STXBP5L: variants seen among roughly 807,000 people sequenced by gnomAD.
The protein encoded by STXBP5L is syntaxin binding protein 5L, also known as syntaxin-binding protein 5-like.
In STXBP5L, 65 loss-of-function variants were observed where a neutral mutation model predicts 144.5. The ratio of observed to expected loss-of-function variants is 0.45; its 90% CI spans 0.37 to 0.55. The LOEUF is 0.55. Ranked by LOEUF, STXBP5L falls within the 20% of genes least tolerant of loss-of-function variation. The pLI is 0.00. For synonymous variants in STXBP5L, 505 were observed against 469.6 expected (o/e 1.08, Z -0.97); for missense variants, 1,298 against 1,405.5 (o/e 0.92, Z 1.22).
At chr3:121,410,457 T>A (rs374930239) in intron 23 of STXBP5L, among the ~76,000 whole-genome samples, 1 of 152,062 alleles carries the variant, frequency 6.6e-6, no homozygotes, top group African/African-American at 2.4e-5. Context: ...CTCTGCTCTA[T>A]GGTTTAAAGA....
intron 19 of STXBP5L, among the ~76,000 whole-genome samples, chr3:121,297,887 T>C (rs780093730): frequency 6.6e-6 from 1 of 152,198 alleles, no homozygotes; most frequent in African/African-American, 2.4e-5. Context: ...TATGTGAAAT[T>C]AAAAGTTCAT....
intron 20 of STXBP5L, among the ~76,000 whole-genome samples, chr3:121,347,974 G>A (rs376481265): frequency 6.6e-6 from 1 of 152,096 alleles, no homozygotes; most frequent in Admixed American, 6.6e-5. Context: ...AATTGCCCTG[G>A]CCAGAACTTC....
intron 20 of STXBP5L, among the ~76,000 whole-genome samples, chr3:121,345,655 T>A (rs577777492): frequency 1.3e-5 from 2 of 152,202 alleles, no homozygotes; most frequent in South Asian, 2.1e-4. Context: ...TTTCTCCACA[T>A]CCTCTCCAGC....
intron 20 of STXBP5L, among the ~76,000 whole-genome samples, chr3:121,355,952 C>T (rs2045495847): frequency 1.3e-5 from 2 of 152,190 alleles, no homozygotes; most frequent in Non-Finnish European, 2.9e-5. Flanking sequence ...GGTTCCTCAG[C>T]TGGTGGTCTG....
chr3:121,308,475 A>G (rs1192117549), intron 19 of STXBP5L, among the ~76,000 whole-genome samples: 2 of 152,164 alleles, frequency 1.3e-5, no homozygotes, highest in Admixed American at 1.3e-4. Flanking sequence ...ATGTTAAGGT[A>G]ACTATGTAAT....
chr3:121,209,348 A>G (rs143021791), intron 10 of STXBP5L, among the ~76,000 whole-genome samples: 105 of 152,200 alleles, frequency 6.9e-4, no homozygotes, highest in African/African-American at 2.4e-3. Context: ...AATCGCCACA[A>G]TGTCTTCCAC....
intron 24 of STXBP5L, 65 bp from the exon 25 acceptor site, chr3:121,415,792 T>C (rs1200782797): frequency 1.2e-5 from 14 of 1,126,584 alleles, no homozygotes; most frequent in Non-Finnish European, 1.8e-5. Context: ...ATCACAGTGT[T>C]ACCTTTTTGT....
intron 11 of STXBP5L, among the ~76,000 whole-genome samples, chr3:121,231,845 A>G (rs528233596): frequency 6.6e-6 from 1 of 152,342 alleles, no homozygotes; most frequent in African/African-American, 2.4e-5. Flanking sequence ...GCCAAATATT[A>G]CTGCTCATAT....
chr3:121,051,133 A>C lies in STXBP5L; in HGVS notation c.470+5598A>C, dbSNP rs928568755. Among the ~76,000 whole-genome samples the C allele has an allele frequency of 5.3e-5, 8 of 152,290 alleles. No homozygotes were observed. In the East Asian group the frequency reaches 1.5e-3, roughly 29 times the overall value. ...AGACTTAGACTCCCACACAATAATA[A>C]TGGGAGACTTTAACACCCCACTGTC... On this transcript the variant is annotated intron_variant, in intron 5 of 26. Coordinates refer to ENST00000471454, the MANE Select transcript of STXBP5L (RefSeq NM_001308330.2).
chr3:121,145,989 T>A (rs2107961065), intron 7 of STXBP5L, among the ~76,000 whole-genome samples: 1 of 152,162 alleles, frequency 6.6e-6, no homozygotes, highest in East Asian at 1.9e-4. Flanking sequence ...AACTGGGACA[T>A]CTATCCTTTC....
At chr3:121,114,029 CA>C (rs1457517224) in intron 5 of STXBP5L, among the ~76,000 whole-genome samples, 4 of 152,120 alleles carry the variant, frequency 2.6e-5, no homozygotes, top group Non-Finnish European at 4.4e-5. Context: ...ATGTCATTCA[CA>C]TTTTTTTTGA....
chr3:121,017,882 G>T (rs1231834965), intron 3 of STXBP5L, among the ~76,000 whole-genome samples: 1 of 151,960 alleles, frequency 6.6e-6, no homozygotes, highest in Admixed American at 6.6e-5. Flanking sequence ...TTCAAGTCTG[G>T]CCCGGGGCAA....
At chr3:121,139,542 C>G (rs1459600707) in intron 7 of STXBP5L, among the ~76,000 whole-genome samples, 2 of 152,038 alleles carry the variant, frequency 1.3e-5, no homozygotes, top group Admixed American at 1.3e-4. Context: ...AGAGTCAATG[C>G]TCTTAACAAT....
At chr3:121,068,226 T>C (rs1367559236) in intron 5 of STXBP5L, among the ~76,000 whole-genome samples, 2 of 152,242 alleles carry the variant, frequency 1.3e-5, no homozygotes, top group Non-Finnish European at 2.9e-5. Flanking sequence ...GCCATGATGG[T>C]CTCAATCTCT....
At chr3:121,412,663 A>G (rs970175637) in intron 23 of STXBP5L, among the ~76,000 whole-genome samples, 1 of 151,388 alleles carries the variant, frequency 6.6e-6, no homozygotes, top group Non-Finnish European at 1.5e-5. Flanking sequence ...AATAGTTTAC[A>G]AACTACTATA....
intron 3 of STXBP5L, among the ~76,000 whole-genome samples, chr3:121,035,232 A>AT (rs757115767): frequency 6.6e-6 from 1 of 152,074 alleles, no homozygotes; most frequent in African/African-American, 2.4e-5. Flanking sequence ...CCACTTGCCT[A>AT]TTTTTGTTTT....
chr3:120,970,514 C>T (rs1030934573), intron 3 of STXBP5L, among the ~76,000 whole-genome samples: 6 of 152,094 alleles, frequency 3.9e-5, no homozygotes, highest in Non-Finnish European at 8.8e-5. Context: ...ATCTGGACAG[C>T]AGGATTTCTG....
intron 15 of STXBP5L, 95 bp downstream of exon 15, chr3:121,250,858 T>A: frequency 9.1e-7 from 1 of 1,098,396 alleles, no homozygotes; most frequent in African/African-American, 1.6e-5. Flanking sequence ...AAATTTCAGA[T>A]ATATTTTTAG....
chr3:120,990,186 C>T (rs2107951864), intron 3 of STXBP5L, among the ~76,000 whole-genome samples: 1 of 152,276 alleles, frequency 6.6e-6, no homozygotes, highest in Admixed American at 6.5e-5. Flanking sequence ...AGAGCCAAAT[C>T]ATGAGTGAAC....
Sources: allele counts gnomAD v4.1 joint callset (sites outside exome capture counted in the v4.1 genomes callset), GRCh38; gene constraint gnomAD v4.1.1; transcripts MANE v1.5; gene names NCBI Gene and HGNC (gene_info 2026-07-23, HGNC 2026-07-21).